Variants in FNIP1 observed in about 807,000 individuals in gnomAD.
FNIP1 encodes folliculin interacting protein 1, also known as folliculin-interacting protein 1.
FNIP1 carries 40 observed loss-of-function variants against 124.5 expected under a neutral mutation model. The ratio of observed to expected loss-of-function variants is 0.32; its 90% CI spans 0.25 to 0.42. The LOEUF is 0.42. Among genes scored for constraint, FNIP1 ranks in the 10% least tolerant of loss-of-function variants. The pLI is 1.00. For missense variants in FNIP1, 1,176 were observed against 1,403.7 expected (o/e 0.84, Z 2.59); for synonymous variants, 472 against 470.6 (o/e 1.00, Z -0.04).
chr5:131,719,342 A>G lies in FNIP1; in HGVS notation c.430T>C (p.Ser144Pro), dbSNP rs758795121. Reference sequence around the variant, plus strand: ...CGAATCTGATGAATTTTTAAGGTGGATCCTTTGTAGCTCATTGCTACTGAG... The same window carrying G: ...CGAATCTGATGAATTTTTAAGGTGGGTCCTTTGTAGCTCATTGCTACTGAG... ...FGSVAMSYKG[S>P]TLKIHQIRSP... Residue 144 changes from serine to proline, a missense_variant, in exon 4 of 18, where the codon TCC (serine) becomes CCC (proline). By Grantham distance (74) the Ser-to-Pro change is moderately conservative. Around this residue, in one of 2 missense-constraint regions of FNIP1, gnomAD observed 1,109 missense variants for 1,288.5 expected, o/e 0.86. Coordinates refer to ENST00000510461, the MANE Select transcript of FNIP1 (RefSeq NM_133372.3). The G allele has an allele frequency of 6.8e-6, 11 of 1,612,566 alleles. No homozygotes were observed. The South Asian group carries it at 1.2e-4, about 18-fold the overall frequency.
At chr5:131,778,189 C>G (rs1158345950) in intron 1 of FNIP1, among the ~76,000 whole-genome samples, 1 of 151,938 alleles carries the variant, frequency 6.6e-6, no homozygotes, top group South Asian at 2.1e-4. Flanking sequence ...CAAGACCCCC[C>G]TCTCAAAAAC....
At chr5:131,731,472 G>C (rs1156487599) in intron 2 of FNIP1, among the ~76,000 whole-genome samples, 2 of 152,004 alleles carry the variant, frequency 1.3e-5, no homozygotes, top group South Asian at 4.2e-4. Context: ...CGACCAACAG[G>C]GAGAAACCCT....
At chr5:131,732,481 T>C (rs1292057200) in intron 2 of FNIP1, among the ~76,000 whole-genome samples, 1 of 152,222 alleles carries the variant, frequency 6.6e-6, no homozygotes, top group Non-Finnish European at 1.5e-5. Context: ...TTTAAGTCTT[T>C]AATCCATCTT....
intron 2 of FNIP1, among the ~76,000 whole-genome samples, chr5:131,735,807 A>ATG (rs141584109): frequency 0.05 from 7,454 of 148,348 alleles, 236 homozygotes; most frequent in Middle Eastern, 0.15. Flanking sequence ...ACTTAAGGGA[A>ATG]TGTGTGTGTG....
chr5:131,716,574 C>G lies in FNIP1; in HGVS notation c.613G>C (p.Gly205Arg). ...DNNTVINGLLGNIGLSQFCSP... is the reference protein window; with the variant it reads ...DNNTVINGLLRNIGLSQFCSP... ...CAAAGGAACCATTTACCTATATTTC[C>G]AAGCAGTCCATTAATAACTGTGTTA... Residue 205 changes from glycine to arginine, a missense_variant, in exon 6 of 18, where the codon GGA becomes CGA. Gly to Arg is a moderately radical substitution (Grantham distance 125). Around this residue, in one of 2 missense-constraint regions of FNIP1, gnomAD observed 1,109 missense variants for 1,288.5 expected, o/e 0.86. Coordinates refer to ENST00000510461, the MANE Select transcript of FNIP1 (RefSeq NM_133372.3). 1.3e-6 allele frequency: 2 copies of G among 1,593,092 alleles called. No individual in the cohort carries two copies. Among genetic ancestry groups the G allele is most frequent in the Non-Finnish European group, 8.6e-7 (1 of 1,168,008 alleles).
intron 2 of FNIP1, among the ~76,000 whole-genome samples, chr5:131,742,124 C>T (rs191502979): frequency 2.6e-5 from 4 of 152,140 alleles, no homozygotes; most frequent in Admixed American, 6.5e-5. Flanking sequence ...TAACTCATGG[C>T]GACATTATGT....
At chr5:131,778,824 G>T (rs1293891368) in intron 1 of FNIP1, among the ~76,000 whole-genome samples, 8 of 136,106 alleles carry the variant, frequency 5.9e-5, no homozygotes, top group South Asian at 2.4e-4. Context: ...CCATAAAAAA[G>T]GATGAGTTCA....
chr5:131,700,816 T>C (rs562295871), intron 10 of FNIP1, among the ~76,000 whole-genome samples: 3 of 152,342 alleles, frequency 2.0e-5, no homozygotes, highest in South Asian at 2.1e-4. Flanking sequence ...TTATATTCTA[T>C]TCTTAATAAT....
chr5:131,739,880 T>C lies in FNIP1; in HGVS notation c.219+4684A>G, dbSNP rs543242969. Among the ~76,000 whole-genome samples the C allele has an allele frequency of 4.0e-5, 6 of 151,590 alleles. No homozygotes were observed. In the South Asian group the frequency reaches 1.3e-3, roughly 32 times the overall value. ...AGACTGTGCAGTATATTTTCAAATGTGATAGGACTGGCTCATCCTCACTGC... is the reference window on the plus strand; with the variant it reads ...AGACTGTGCAGTATATTTTCAAATGCGATAGGACTGGCTCATCCTCACTGC... On this transcript the variant is annotated intron_variant, in intron 2 of 17. Transcript: ENST00000510461.
At chr5:131,704,864 T>C (rs200237801) in intron 9 of FNIP1, among the ~76,000 whole-genome samples, 1 of 152,068 alleles carries the variant, frequency 6.6e-6, no homozygotes, top group East Asian at 1.9e-4. Context: ...TCATGCATCA[T>C]GACACTGATT....
intron 11 of FNIP1, among the ~76,000 whole-genome samples, chr5:131,688,907 T>C (rs1295277041): frequency 1.3e-5 from 2 of 151,394 alleles, no homozygotes; most frequent in African/African-American, 4.8e-5. Flanking sequence ...AAATACAAAA[T>C]GGAGAAGTAA....
rs533031627 is a variant in FNIP1, at chr5:131,651,693, C to T, written c.3306+109G>A. ...GAATTAGGGCTTCAATATATGAGTT[C>T]GGGTAATGACACAAACATTCAGTCC... On this transcript the variant is annotated intron_variant, in intron 16 of 17. Transcript: ENST00000510461. 3.1e-5 allele frequency: 30 copies of T among 972,626 alleles called. No individual in the cohort carries two copies. In the Admixed American group the frequency reaches 3.8e-4, roughly 12 times the overall value. 60.2% of individuals were successfully genotyped at this position (972,626 alleles called of 1,614,324 possible).
intron 1 of FNIP1, among the ~76,000 whole-genome samples, chr5:131,780,631 G>C (rs183106182): frequency 6.6e-6 from 1 of 151,894 alleles, no homozygotes; most frequent in Non-Finnish European, 1.5e-5. Flanking sequence ...ACCTATTATG[G>C]TGATCTGTGA....
At chr5:131,762,601 A>T (rs770404952) in intron 1 of FNIP1, among the ~76,000 whole-genome samples, 1 of 152,156 alleles carries the variant, frequency 6.6e-6, no homozygotes, top group Non-Finnish European at 1.5e-5. Flanking sequence ...AGCAATAATA[A>T]ATGCTGGTGA....
At chr5:131,707,020 A>G (rs966022360) in intron 8 of FNIP1, among the ~76,000 whole-genome samples, 11 of 152,232 alleles carry the variant, frequency 7.2e-5, no homozygotes, top group Non-Finnish European at 1.6e-4. Context: ...ATGTAGTCAA[A>G]CCTACCACTT....
chr5:131,747,575 T>G (rs1561687627), intron 1 of FNIP1, among the ~76,000 whole-genome samples: 1 of 151,930 alleles, frequency 6.6e-6, no homozygotes, highest in Non-Finnish European at 1.5e-5. Context: ...CGGAAACCAG[T>G]GAAAAAGAAC....
At chr5:131,743,997 A>G (rs995951404) in intron 2 of FNIP1, among the ~76,000 whole-genome samples, 1 of 152,220 alleles carries the variant, frequency 6.6e-6, no homozygotes, top group African/African-American at 2.4e-5. Flanking sequence ...GAAATTAATG[A>G]GACTAATGAA....
intron 1 of FNIP1, among the ~76,000 whole-genome samples, chr5:131,788,335 A>T (rs1311157974): frequency 6.6e-6 from 1 of 152,156 alleles, no homozygotes; most frequent in African/African-American, 2.4e-5. Flanking sequence ...AAGCAAGTTT[A>T]AAATCAATAG....
intron 1 of FNIP1, among the ~76,000 whole-genome samples, chr5:131,762,850 A>G (rs1195168251): frequency 2.0e-5 from 3 of 152,258 alleles, no homozygotes; most frequent in African/African-American, 7.2e-5. Context: ...TTATTCAGTC[A>G]TAAAAAAGAA....
Sources: allele counts gnomAD v4.1 joint callset (sites outside exome capture counted in the v4.1 genomes callset), GRCh38; gene constraint gnomAD v4.1.1; regional missense constraint gnomAD v4.1.1; transcripts MANE v1.5; gene names NCBI Gene and HGNC (gene_info 2026-07-23, HGNC 2026-07-21).